Variants in NEO1 observed in about 807,000 individuals in gnomAD.
NEO1 encodes the protein neogenin 1.
In NEO1, 63 loss-of-function variants were observed where a neutral mutation model predicts 159.7. The observed-to-expected ratio is 0.39, with a 90% CI of 0.32 to 0.49. The LOEUF is 0.49. NEO1 is among the 20% of genes least tolerant of loss of function. NEO1 has a pLI of 0.85. For synonymous variants in NEO1, 633 were observed against 662.0 expected (o/e 0.96, Z 0.67); for missense variants, 1,615 against 1,831.0 (o/e 0.88, Z 2.15).
At position 73,295,125 on chromosome 15, in the gene NEO1, A is replaced by AATAT. The variant is rs10524460; in HGVS notation, c.3901+1592_3901+1595dup. Among the ~76,000 whole-genome samples the AATAT allele has an allele frequency of 8.8e-3, 879 of 100,182 alleles. 30 individuals carry two copies. Among genetic ancestry groups the AATAT allele is most frequent in the African/African-American group, 0.028 (777 of 27,732 alleles). 65.7% of individuals were successfully genotyped at this position (100,182 alleles called of 152,430 possible). On this transcript the variant is annotated intron_variant, in intron 26 of 28. Transcript: ENST00000261908. ...AAGATCCCGTCTCTACTAAATATTA[A>AATAT]ATATATATATATATATATGTAAAAA...
At chr15:73,113,905 G>T (rs1363423710) in intron 1 of NEO1, among the ~76,000 whole-genome samples, 1 of 152,070 alleles carries the variant, frequency 6.6e-6, no homozygotes, top group Non-Finnish European at 1.5e-5. Flanking sequence ...ACTGTTAAAA[G>T]AAATAGGATG....
chr15:73,127,821 C>G (rs2030502647), intron 4 of NEO1, among the ~76,000 whole-genome samples: 1 of 152,180 alleles, frequency 6.6e-6, no homozygotes, highest in South Asian at 2.1e-4. Flanking sequence ...TTAGCTTGTA[C>G]ATTTATTTTA....
At chr15:73,124,953 AAAG>A (rs1239599117) in intron 3 of NEO1, among the ~76,000 whole-genome samples, 2 of 152,242 alleles carry the variant, frequency 1.3e-5, no homozygotes, top group Non-Finnish European at 2.9e-5. Context: ...GAATTAAAAA[AAAG>A]AACTATTGCC....
chr15:73,126,167 G>A (rs1435832172), intron 3 of NEO1, among the ~76,000 whole-genome samples: 1 of 152,068 alleles, frequency 6.6e-6, no homozygotes, highest in Admixed American at 6.5e-5. Flanking sequence ...AAAATATTTT[G>A]TCATATAAAG....
chr15:73,223,973 C>T (rs936704959), intron 7 of NEO1, among the ~76,000 whole-genome samples: 4 of 152,254 alleles, frequency 2.6e-5, no homozygotes, highest in African/African-American at 4.8e-5. Context: ...CTCCTTTTAG[C>T]GGTCTCGTAG....
intron 5 of NEO1, among the ~76,000 whole-genome samples, chr15:73,175,506 T>G (rs987622992): frequency 2.6e-5 from 4 of 152,178 alleles, no homozygotes; most frequent in Admixed American, 2.6e-4. Flanking sequence ...TGCCACAAAT[T>G]CAACACAATC....
intron 1 of NEO1, among the ~76,000 whole-genome samples, chr15:73,111,380 A>G (rs2070980724): frequency 6.6e-6 from 1 of 152,216 alleles, no homozygotes; most frequent in Admixed American, 6.6e-5. Context: ...ATATGTGTGT[A>G]TGAATTTATG....
intron 15 of NEO1, among the ~76,000 whole-genome samples, chr15:73,264,053 G>T (rs1399333123): frequency 6.6e-6 from 1 of 152,090 alleles, no homozygotes; most frequent in African/African-American, 2.4e-5. Flanking sequence ...TAGGCATGGT[G>T]GTGTGTGCTT....
chr15:73,258,468 A>G (rs994158487), intron 13 of NEO1, among the ~76,000 whole-genome samples: 7 of 152,184 alleles, frequency 4.6e-5, no homozygotes, highest in African/African-American at 1.7e-4. Flanking sequence ...AAGGGATTGC[A>G]TTAAATGATC....
chr15:73,196,937 A>T (rs1051622392), intron 7 of NEO1, among the ~76,000 whole-genome samples: 2 of 152,188 alleles, frequency 1.3e-5, no homozygotes, highest in Non-Finnish European at 2.9e-5. Flanking sequence ...TGACAGTTCT[A>T]TGGGTGTTAA....
intron 5 of NEO1, among the ~76,000 whole-genome samples, chr15:73,151,092 C>T (rs2033334444): frequency 6.6e-6 from 1 of 152,168 alleles, no homozygotes. Flanking sequence ...CTGGTTGCTC[C>T]ACATTCTGAC....
intron 22 of NEO1, among the ~76,000 whole-genome samples, 155 bp downstream of exon 22, chr15:73,278,354 C>G (rs1446433538): frequency 6.6e-6 from 1 of 152,162 alleles, no homozygotes; most frequent in East Asian, 1.9e-4. Flanking sequence ...CAAATCACTC[C>G]AAGCCCATGT....
chr15:73,168,386 G>GT (rs2034725039), intron 5 of NEO1, among the ~76,000 whole-genome samples: 2 of 96,096 alleles, frequency 2.1e-5, no homozygotes, highest in Non-Finnish European at 4.0e-5. Context: ...GGGTGGGGGG[G>GT]GGGGGTCTCA....
intron 1 of NEO1, among the ~76,000 whole-genome samples, chr15:73,089,892 A>C (rs2069584682): frequency 6.6e-6 from 1 of 152,234 alleles, no homozygotes; most frequent in Non-Finnish European, 1.5e-5. Flanking sequence ...GAAATGACTT[A>C]AACACTGACC....
Position 73,253,466 on chromosome 15 carries a change from C to T in NEO1, c.1944+17C>T, listed in dbSNP as rs753018314. On this transcript the variant is annotated intron_variant, in intron 12 of 28. Coordinates refer to ENST00000261908, the MANE Select transcript of NEO1 (RefSeq NM_002499.4). ...AATTCAAAGGTAAAACTGTATGATG[C>T]TGCTGTTCATTTTTACTGGTATACT... 6.3e-7 allele frequency: 1 copy of T among 1,581,538 alleles called. No individual in the cohort carries two copies. Among genetic ancestry groups the T allele is most frequent in the South Asian group, 1.2e-5 (1 of 84,254 alleles).
chr15:73,220,922 A>C (rs958848747), intron 7 of NEO1, among the ~76,000 whole-genome samples: 1 of 152,170 alleles, frequency 6.6e-6, no homozygotes, highest in African/African-American at 2.4e-5. Flanking sequence ...TTCTTCTCTC[A>C]ACTCATCAAA....
chr15:73,266,042 A>T (rs776705274), intron 15 of NEO1, among the ~76,000 whole-genome samples: 3 of 152,208 alleles, frequency 2.0e-5, no homozygotes, highest in Admixed American at 6.5e-5. Flanking sequence ...CCATACCCTG[A>T]ACATCACTAA....
chr15:73,115,580 G>A (rs773218131), intron 1 of NEO1, among the ~76,000 whole-genome samples: 3 of 148,266 alleles, frequency 2.0e-5, no homozygotes, highest in African/African-American at 5.2e-5. Flanking sequence ...AGATATATTC[G>A]AAAAACAGTC....
At chr15:73,074,905 A>C (rs1052436387) in intron 1 of NEO1, among the ~76,000 whole-genome samples, 1 of 152,156 alleles carries the variant, frequency 6.6e-6, no homozygotes, top group Non-Finnish European at 1.5e-5. Flanking sequence ...TCATGAGAAC[A>C]TGTTCCTCTA....
Sources: allele counts gnomAD v4.1 joint callset (sites outside exome capture counted in the v4.1 genomes callset), GRCh38; gene constraint gnomAD v4.1.1; transcripts MANE v1.5; gene names NCBI Gene and HGNC (gene_info 2026-07-23, HGNC 2026-07-21).